BBOX1: variants seen among roughly 807,000 people sequenced by gnomAD.
BBOX1 encodes gamma-butyrobetaine hydroxylase 1.
Under a neutral mutation model 41.6 loss-of-function variants are expected in BBOX1, and 35 were observed. The observed-to-expected ratio is 0.84, with a 90% CI of 0.64 to 1.11. The LOEUF (loss-of-function observed/expected upper bound fraction) is 1.11, where lower values mean the gene tolerates loss of function less well. Ranked by LOEUF, BBOX1 falls within the 50% of genes most tolerant of loss-of-function variation. BBOX1 has a pLI of 0.00. For synonymous variants in BBOX1, 163 were observed against 154.7 expected (o/e 1.05, Z -0.40); for missense variants, 458 against 460.6 (o/e 0.99, Z 0.05).
intron 4 of BBOX1, among the ~76,000 whole-genome samples, chr11:27,060,085 T>A (rs1857096060): frequency 6.6e-6 from 1 of 152,166 alleles, no homozygotes; most frequent in South Asian, 2.1e-4. Context: ...ATGGTTTGCA[T>A]GTTCCACCCA....
chr11:27,060,545 A>AAG (rs1564957420), intron 4 of BBOX1, among the ~76,000 whole-genome samples: 2 of 152,286 alleles, frequency 1.3e-5, no homozygotes, highest in East Asian at 3.9e-4. Flanking sequence ...GCCACATACC[A>AAG]AGAGAGAGAT....
At chr11:27,117,272 C>A (rs1273918014) in intron 6 of BBOX1, among the ~76,000 whole-genome samples, 1 of 151,856 alleles carries the variant, frequency 6.6e-6, no homozygotes, top group Non-Finnish European at 1.5e-5. Flanking sequence ...TTTTCATTAT[C>A]TTCACTGTAC....
rs2305095 is a variant in BBOX1 at position 27,055,430 on chromosome 11, C to T, written c.-1C>T. The T allele has an allele frequency of 0.15, 236,225 of 1,611,712 alleles. 19,004 individuals are homozygous for T. The highest frequency in any genetic ancestry group is 0.28 in the East Asian group (12,349 of 44,826). On this transcript the variant is annotated 5_prime_UTR_variant, in exon 3 of 9. Coordinates refer to ENST00000263182, the MANE Select transcript of BBOX1 (RefSeq NM_003986.3). The stretch of plus-strand genomic sequence containing the variant: ...AGCATCTACTCCTGAAGACCGGAAA[C>T]ATGGCTTGTACCATCCAAAAGGCAG...
intron 7 of BBOX1, among the ~76,000 whole-genome samples, chr11:27,122,779 C>T (rs1859513535): frequency 6.6e-6 from 1 of 151,128 alleles, no homozygotes; most frequent in African/African-American, 2.4e-5. Flanking sequence ...TTTAAAAGTC[C>T]TTTCTTTGGT....
intron 2 of BBOX1, among the ~76,000 whole-genome samples, chr11:27,051,616 C>T (rs1431787451): frequency 1.3e-5 from 2 of 151,962 alleles, no homozygotes; most frequent in Non-Finnish European, 2.9e-5. Context: ...TGTAACTGTT[C>T]ATAGTAGTCT....
intron 4 of BBOX1, among the ~76,000 whole-genome samples, chr11:27,064,094 T>G (rs1000367110): frequency 6.6e-6 from 1 of 152,208 alleles, no homozygotes; most frequent in Non-Finnish European, 1.5e-5. Context: ...ACATCCATTC[T>G]TGAATTCTCA....
At chr11:27,078,654 G>A (rs563951804) in intron 4 of BBOX1, among the ~76,000 whole-genome samples, 2 of 152,216 alleles carry the variant, frequency 1.3e-5, no homozygotes, top group African/African-American at 4.8e-5. Flanking sequence ...CACAGGGAGA[G>A]GAACATCACA....
intron 5 of BBOX1, among the ~76,000 whole-genome samples, chr11:27,094,355 G>A (rs939873640): frequency 6.6e-6 from 1 of 151,908 alleles, no homozygotes; most frequent in Admixed American, 6.6e-5. Flanking sequence ...AAGTGAAAGG[G>A]ACCTTCCAAC....
chr11:27,086,201 T>C (rs563306153), intron 4 of BBOX1, among the ~76,000 whole-genome samples: 2 of 152,236 alleles, frequency 1.3e-5, no homozygotes, highest in South Asian at 4.1e-4. Flanking sequence ...AGTAGCAGAT[T>C]GTCCATGTAG....
intron 4 of BBOX1, among the ~76,000 whole-genome samples, chr11:27,086,380 T>A (rs1293585051): frequency 6.6e-6 from 1 of 152,074 alleles, no homozygotes; most frequent in Non-Finnish European, 1.5e-5. Context: ...TTCTGAAAAT[T>A]CTAGGACCAT....
intron 2 of BBOX1, among the ~76,000 whole-genome samples, chr11:27,052,255 G>T (rs1057256655): frequency 1.3e-5 from 2 of 151,952 alleles, no homozygotes; most frequent in Non-Finnish European, 2.9e-5. Flanking sequence ...TTGGAACATT[G>T]CTTACATGTG....
intron 2 of BBOX1, among the ~76,000 whole-genome samples, chr11:27,054,234 T>TGTGTGTGC (rs1491475061): frequency 2.3e-4 from 34 of 148,300 alleles, no homozygotes; most frequent in Non-Finnish European, 3.6e-4. Flanking sequence ...TGTGTGTGTG[T>TGTGTGTGC]GCGTGCACAT....
At chr11:27,080,739 A>G (rs758193008) in intron 4 of BBOX1, among the ~76,000 whole-genome samples, 1 of 152,150 alleles carries the variant, frequency 6.6e-6, no homozygotes, top group Non-Finnish European at 1.5e-5. Flanking sequence ...AGTCACCAGA[A>G]GAGCATAAAT....
At chr11:27,056,266 A>C (rs1856976371) in intron 3 of BBOX1, among the ~76,000 whole-genome samples, 1 of 151,882 alleles carries the variant, frequency 6.6e-6, no homozygotes, top group Non-Finnish European at 1.5e-5. Flanking sequence ...ACTTTTATTT[A>C]TTTATTTTTG....
chr11:27,082,299 A>G (rs2134018052), intron 4 of BBOX1, among the ~76,000 whole-genome samples: 1 of 152,240 alleles, frequency 6.6e-6, no homozygotes, highest in East Asian at 1.9e-4. Flanking sequence ...GTGCCTCAGC[A>G]GAAGAAAGAA....
intron 4 of BBOX1, among the ~76,000 whole-genome samples, chr11:27,067,411 C>G (rs1857320312): frequency 6.6e-6 from 1 of 151,902 alleles, no homozygotes; most frequent in Admixed American, 6.6e-5. Flanking sequence ...GTCCATTATA[C>G]CACCACTCTG....
chr11:27,064,705 G>C (rs1857228991), intron 4 of BBOX1, among the ~76,000 whole-genome samples: 1 of 152,094 alleles, frequency 6.6e-6, no homozygotes. Flanking sequence ...ACGCTCATAG[G>C]TTAGGAGTTT....
chr11:27,119,592 CTAA>C, intron 6 of BBOX1, 54 bp from the exon 7 acceptor site: 1 of 953,890 alleles, frequency 1.0e-6, no homozygotes, highest in Non-Finnish European at 1.4e-6. Flanking sequence ...AAGATTAATT[CTAA>C]TAATTAAAAT....
intron 4 of BBOX1, among the ~76,000 whole-genome samples, chr11:27,087,760 G>A (rs113831523): frequency 4.9e-4 from 75 of 152,098 alleles, no homozygotes; most frequent in African/African-American, 1.8e-3. Context: ...GGCTCATATT[G>A]GTACACAGGT....
Sources: allele counts gnomAD v4.1 joint callset (sites outside exome capture counted in the v4.1 genomes callset), GRCh38; gene constraint gnomAD v4.1.1; transcripts MANE v1.5; gene names NCBI Gene and HGNC (gene_info 2026-07-23, HGNC 2026-07-21).